MBP: variants seen among roughly 807,000 people sequenced by gnomAD.
The protein encoded by MBP is myelin basic protein, also known as Golli-MBP.
Under a neutral mutation model 35.8 loss-of-function variants are expected in MBP, and 16 were observed. The ratio of observed to expected loss-of-function variants is 0.45; its 90% confidence interval spans 0.30 to 0.68. The LOEUF (loss-of-function observed/expected upper bound fraction) is 0.68. MBP is among the 30% of genes least tolerant of loss of function. The pLI, the probability that MBP is intolerant of heterozygous loss-of-function variation, is 0.08. For synonymous variants in MBP, 143 were observed against 159.6 expected, an observed-to-expected ratio of 0.90 and a Z score of 0.78; for missense variants, 380 against 404.7, an observed-to-expected ratio of 0.94 and a Z score of 0.52.
chr18:77,084,959 G>GGAGAGA (rs56132737), intron 2 of MBP, among the ~76,000 whole-genome samples: 2 of 150,838 alleles, frequency 1.3e-5, no homozygotes, highest in Admixed American at 6.6e-5. Context: ...GGGGGAGGGG[G>GGAGAGA]GAGAGAGAGA....
At chr18:77,010,155 C>A (rs552710372) in intron 4 of MBP, 20 of 563,590 alleles carry the variant, frequency 3.5e-5, no homozygotes, top group African/African-American at 2.3e-4. Flanking sequence ...GGCAGGCATG[C>A]GCCCTGAAGG....
chr18:77,008,107 G>A (rs562698887), intron 4 of MBP, among the ~76,000 whole-genome samples: 84 of 152,242 alleles, frequency 5.5e-4, no homozygotes, highest in African/African-American at 1.9e-3. Context: ...CAGGGAACGG[G>A]GTAGGGGCCA....
chr18:77,066,277 G>A (rs1468530840), intron 3 of MBP, 21 bp downstream of exon 3: 3 of 1,592,304 alleles, frequency 1.9e-6, no homozygotes, highest in African/African-American at 1.3e-5. Context: ...GCGCCATGTT[G>A]CCGATATCTG....
At chr18:77,051,122 G>T (rs1443658964) in intron 3 of MBP, among the ~76,000 whole-genome samples, 1 of 152,066 alleles carries the variant, frequency 6.6e-6, no homozygotes, top group Non-Finnish European at 1.5e-5. Context: ...TATCTAGGTG[G>T]GCTCTTCCTG....
At chr18:77,100,106 C>T (rs112430396) in intron 2 of MBP, among the ~76,000 whole-genome samples, 81 of 152,354 alleles carry the variant, frequency 5.3e-4, no homozygotes, top group African/African-American at 1.9e-3. Flanking sequence ...TGCCTCACAA[C>T]GTGACTGCAT....
intron 1 of MBP, among the ~76,000 whole-genome samples, chr18:77,105,931 A>G (rs779375016): frequency 2.6e-5 from 4 of 152,180 alleles, no homozygotes; most frequent in Non-Finnish European, 4.4e-5. Context: ...TTTCCCCAAG[A>G]TATGCAAAGA....
rs369125527 is a variant in MBP, at chr18:77,015,849, CA to C, written c.576+982del. On this transcript the variant is annotated intron_variant, in intron 4 of 8. Coordinates refer to ENST00000355994, the MANE Select transcript of MBP (RefSeq NM_001025101.2). ...GAGGCGCTCTGTTCCACACTTTATT[CA>C]AAAGCCTTTTACGCTCCCACAAGGC... is the stretch of plus-strand genomic sequence containing the variant. 3.8e-4 allele frequency: 378 copies of C among 985,432 alleles called. 2 individuals are homozygous for C. In the African/African-American group the frequency reaches 6.1e-3, roughly 16 times the overall value. The allele number at this position is 985,432 out of a possible 1,614,324, so 61.0% of individuals were successfully genotyped here. A position where few individuals can be genotyped will look rare whatever the true frequency, so the allele number is the denominator to read the frequency against.
intron 2 of MBP, among the ~76,000 whole-genome samples, chr18:77,081,072 A>C (rs1198387650): frequency 1.3e-5 from 2 of 152,226 alleles, no homozygotes; most frequent in Non-Finnish European, 2.9e-5. Flanking sequence ...CTTTTAAAAC[A>C]ATAATTTGAA....
In MBP at chr18:76,984,791, G is replaced by T; in HGVS notation, c.854C>A (p.Ser285Tyr). The change falls in exon 8 of 9, where the codon TCC (serine) becomes TAC (tyrosine). Residue 285 changes from serine (S) to tyrosine (Y), a missense_variant. By Grantham distance (144) the Ser-to-Tyr change is moderately radical (BLOSUM62 -2). Transcript: ENST00000355994. ...FKGVDAQGTL[S>Y]KIFKLGGRDS... ...GTACCTTACCAGCTTAAAAATTTTG[G>T]AAAGCGTGCCCTGGGCATCGACTCC... The T allele has an allele frequency of 6.2e-7, 1 of 1,614,060 alleles. No individual in the cohort carries two copies. The highest frequency in any genetic ancestry group is 8.5e-7 in the Non-Finnish European group (1 of 1,180,036).
intron 3 of MBP, among the ~76,000 whole-genome samples, chr18:77,034,466 G>A (rs1042701047): frequency 5.3e-5 from 8 of 152,150 alleles, no homozygotes; most frequent in African/African-American, 1.7e-4. Context: ...ACAGACCCCA[G>A]TTGAGCCTGC....
intron 2 of MBP, chr18:77,093,571 T>C (rs998957524): frequency 1.3e-5 from 2 of 152,214 alleles, no homozygotes; most frequent in Admixed American, 1.3e-4. Flanking sequence ...AAAACCAGAA[T>C]GACCTTCAGG....
At chr18:76,993,851 A>G (rs75577057) in intron 4 of MBP, among the ~76,000 whole-genome samples, 188 of 152,312 alleles carry the variant, frequency 1.2e-3, no homozygotes, top group African/African-American at 4.1e-3. Flanking sequence ...CCTCCCAGGC[A>G]GGTGCCGTGG....
chr18:77,009,856 A>G, intron 4 of MBP: 1 of 1,588,448 alleles, frequency 6.3e-7, no homozygotes, highest in Non-Finnish European at 8.6e-7. Context: ...TACCTTGTAC[A>G]TGTTGCACAG....
intron 7 of MBP, chr18:76,985,410 G>A: frequency 8.2e-7 from 1 of 1,217,478 alleles, no homozygotes; most frequent in South Asian, 1.5e-5. Context: ...GGTCACATGT[G>A]CCCTGTGGTT....
Position 76,998,363 on chromosome 18 carries a change from A to G in MBP, c.577-8303T>C, listed in dbSNP as rs479114. The stretch of plus-strand genomic sequence containing the variant: ...CTTCCACCTTCCACCGTTAGGCTGA[A>G]CGACATCCACGGCACCGTATGCGCG... On this transcript the variant is annotated intron_variant, in intron 4 of 8. Transcript: ENST00000355994. 5.2e-3 allele frequency among the ~76,000 whole-genome samples: 785 copies of G among 152,102 alleles called. 8 individuals carry two copies. The highest frequency in any genetic ancestry group is 0.018 in the African/African-American group (745 of 41,460).
At chr18:77,034,075 A>G (rs1849684187) in intron 3 of MBP, among the ~76,000 whole-genome samples, 1 of 136,982 alleles carries the variant, frequency 7.3e-6, no homozygotes, top group African/African-American at 2.7e-5. Flanking sequence ...AAAAAAAAAA[A>G]GATTACCTGG....
Position 77,027,187 on chromosome 18 carries a change from A to C in MBP, c.140-9919T>G, listed in dbSNP as rs1972257424. ...TCCCAAGTTTTTATTTTGCCAGCTA[A>C]GACATTAAAAAAAAAGCAGACAACT... is the stretch of plus-strand genomic sequence containing the variant. On this transcript the variant is annotated intron_variant, in intron 3 of 8. Coordinates refer to ENST00000355994, the MANE Select transcript of MBP (RefSeq NM_001025101.2). 3.9e-5 allele frequency among the ~76,000 whole-genome samples: 6 copies of C among 152,182 alleles called. No homozygotes were observed. The South Asian group carries it at 1.2e-3, about 32-fold the overall frequency.
At chr18:77,109,427 A>C (rs1204571374) in intron 1 of MBP, 6 of 152,232 alleles carry the variant, frequency 3.9e-5, no homozygotes, top group Admixed American at 1.3e-4. Flanking sequence ...AAGAGGGAAA[A>C]AAGTGAAGAG....
At chr18:77,037,296 G>A (rs116665438) in intron 3 of MBP, among the ~76,000 whole-genome samples, 11,892 of 122,510 alleles carry the variant, frequency 0.097, 609 homozygotes, top group South Asian at 0.24. Flanking sequence ...GTCACGTTTC[G>A]GAGGACTGAG....
Sources: allele counts gnomAD v4.1 joint callset (sites outside exome capture counted in the v4.1 genomes callset), GRCh38; gene constraint gnomAD v4.1.1; transcripts MANE v1.5; gene names NCBI Gene and HGNC (gene_info 2026-07-23, HGNC 2026-07-21).